Variants in GALNT13 observed in about 807,000 individuals in gnomAD.
GALNT13 encodes the protein UDP-GalNAc:polypeptide N-acetylgalactosaminyltransferase 13.
GALNT13 carries 28 observed loss-of-function variants against 64.2 expected under a neutral mutation model. The observed-to-expected ratio is 0.44, with a 90% CI of 0.32 to 0.60. The LOEUF is 0.60. GALNT13 is among the 20% of genes least tolerant of loss of function. GALNT13 has a pLI of 0.05. For synonymous variants in GALNT13, 214 were observed against 224.6 expected (o/e 0.95, Z 0.42); for missense variants, 577 against 669.8 (o/e 0.86, Z 1.53).
the GALNT13 span, among the ~76,000 whole-genome samples, chr2:153,244,462 C>T: frequency 1.3e-5 from 2 of 152,148 alleles, no homozygotes; most frequent in African/African-American, 2.4e-5. Context: ...CCAAGTTTAT[C>T]TCACTGGTAC....
chr2:153,266,178 A>G, the GALNT13 span, among the ~76,000 whole-genome samples: 1 of 152,224 alleles, frequency 6.6e-6, no homozygotes, highest in Non-Finnish European at 1.5e-5. Flanking sequence ...ATGTTTGTAT[A>G]TAAAATAGTG....
At chr2:153,456,553 T>G in the GALNT13 span, among the ~76,000 whole-genome samples, 606 of 152,334 alleles carry the variant, frequency 4.0e-3, 3 homozygotes, top group Non-Finnish European at 7.4e-3. Context: ...TATCCATTTG[T>G]GTGTACTGAA....
At chr2:153,245,674 A>T in the GALNT13 span, among the ~76,000 whole-genome samples, 1 of 152,216 alleles carries the variant, frequency 6.6e-6, no homozygotes, top group Non-Finnish European at 1.5e-5. Context: ...AGGTGGATAA[A>T]TCCATGAAGA....
intron 11 of GALNT13, among the ~76,000 whole-genome samples, chr2:154,423,206 C>G: frequency 6.6e-6 from 1 of 151,994 alleles, no homozygotes; most frequent in Non-Finnish European, 1.5e-5. Flanking sequence ...ATGATGGTTT[C>G]CAGCTTCATC....
the GALNT13 span, among the ~76,000 whole-genome samples, chr2:153,393,980 ACACACACACACC>A: frequency 6.8e-4 from 63 of 92,834 alleles, no homozygotes; most frequent in Non-Finnish European, 1.1e-3. Context: ...ACACACACAC[ACACACACACACC>A]CCCTATTGGT....
the GALNT13 span, among the ~76,000 whole-genome samples, chr2:153,235,583 T>A: frequency 6.6e-6 from 1 of 152,094 alleles, no homozygotes; most frequent in African/African-American, 2.4e-5. Flanking sequence ...TTTTTACTAT[T>A]ATAGTGAGCA....
chr2:153,652,146 G>A, the GALNT13 span, among the ~76,000 whole-genome samples: 4 of 152,004 alleles, frequency 2.6e-5, no homozygotes, highest in Admixed American at 6.6e-5. Context: ...TGTTGCATAG[G>A]TCATGCATAA....
At chr2:153,579,233 G>C in the GALNT13 span, among the ~76,000 whole-genome samples, 2 of 152,102 alleles carry the variant, frequency 1.3e-5, no homozygotes, top group Non-Finnish European at 2.9e-5. Context: ...GACATCAAAG[G>C]GTTGCCCAGG....
At chr2:153,780,247 A>C in the GALNT13 span, among the ~76,000 whole-genome samples, 1 of 72,800 alleles carries the variant, frequency 1.4e-5, no homozygotes, top group African/African-American at 5.5e-5. Flanking sequence ...ATATATATAT[A>C]TATATATATA....
At chr2:154,089,411 C>T (rs1350919864) in intron 3 of GALNT13, among the ~76,000 whole-genome samples, 2 of 152,132 alleles carry the variant, frequency 1.3e-5, no homozygotes, top group South Asian at 2.1e-4. Flanking sequence ...GATCGGGGCC[C>T]GCCCATTCGT....
At chr2:153,757,005 A>G in the GALNT13 span, among the ~76,000 whole-genome samples, 1 of 152,132 alleles carries the variant, frequency 6.6e-6, no homozygotes, top group African/African-American at 2.4e-5. Flanking sequence ...TATTTTTGTT[A>G]GCTATTGACA....
intron 1 of GALNT13, among the ~76,000 whole-genome samples, chr2:153,878,555 G>C (rs1431099539): frequency 2.6e-5 from 4 of 152,192 alleles, no homozygotes; most frequent in Non-Finnish European, 4.4e-5. Flanking sequence ...TTGTTGAAAT[G>C]ATTGGAAGAT....
At chr2:153,777,138 A>AGAT in the GALNT13 span, among the ~76,000 whole-genome samples, 1 of 149,514 alleles carries the variant, frequency 6.7e-6, no homozygotes, top group African/African-American at 2.6e-5. Flanking sequence ...TATGCAGATC[A>AGAT]GATGTTAGTG....
the GALNT13 span, among the ~76,000 whole-genome samples, chr2:153,844,003 C>G: frequency 6.6e-6 from 1 of 152,158 alleles, no homozygotes; most frequent in African/African-American, 2.4e-5. Flanking sequence ...TGTTTAGTGC[C>G]TACAGCTTTT....
chr2:153,493,220 A>G, the GALNT13 span, among the ~76,000 whole-genome samples: 4 of 152,078 alleles, frequency 2.6e-5, no homozygotes, highest in Non-Finnish European at 4.4e-5. Context: ...ATTAATGCAG[A>G]AACCTGGTTC....
At chr2:153,824,320 T>G in the GALNT13 span, among the ~76,000 whole-genome samples, 10 of 152,288 alleles carry the variant, frequency 6.6e-5, no homozygotes, top group South Asian at 2.1e-3. Context: ...GTTTGGAGAT[T>G]TCTCAAAGAA....
chr2:153,448,848 C>T, the GALNT13 span, among the ~76,000 whole-genome samples: 6 of 152,254 alleles, frequency 3.9e-5, no homozygotes, highest in South Asian at 1.2e-3. Flanking sequence ...GAAGCCCTAA[C>T]CCTAAATATA....
the GALNT13 span, among the ~76,000 whole-genome samples, chr2:153,589,636 G>A: frequency 1.7e-4 from 26 of 152,244 alleles, no homozygotes; most frequent in African/African-American, 5.5e-4. Context: ...GCTGAGAGAC[G>A]CCTCACAATC....
the GALNT13 span, among the ~76,000 whole-genome samples, chr2:153,505,329 T>C: frequency 5.3e-5 from 8 of 152,292 alleles, no homozygotes; most frequent in South Asian, 1.0e-3. Flanking sequence ...ACCAGCTTTT[T>C]GTTACATTTA....
Sources: allele counts gnomAD v4.1 joint callset (sites outside exome capture counted in the v4.1 genomes callset), GRCh38; gene constraint gnomAD v4.1.1; transcripts MANE v1.5; gene names NCBI Gene and HGNC (gene_info 2026-07-23, HGNC 2026-07-21).